The following RIMS2 variants were observed in gnomAD, a reference collection of about 807,000 sequenced individuals.
RIMS2 encodes the protein regulating synaptic membrane exocytosis 2.
Under a neutral mutation model 174.4 loss-of-function variants are expected in RIMS2, and 59 were observed. That is an observed-to-expected ratio of 0.34 (90% CI 0.27 to 0.42). The LOEUF (loss-of-function observed/expected upper bound fraction) is 0.42. RIMS2 is among the 10% of genes least tolerant of loss of function. The pLI is 1.00. For synonymous variants in RIMS2, 606 were observed against 572.5 expected (o/e 1.06, Z -0.84); for missense variants, 1,620 against 1,666.3 (o/e 0.97, Z 0.48).
chr8:104,127,639 A>G (rs2098442504), intron 19 of RIMS2, among the ~76,000 whole-genome samples: 1 of 152,166 alleles, frequency 6.6e-6, no homozygotes, highest in Admixed American at 6.6e-5. Context: ...TTATGATGAT[A>G]ATAATACTTC....
intron 14 of RIMS2, among the ~76,000 whole-genome samples, chr8:103,954,554 T>A (rs1296188555): frequency 6.6e-6 from 1 of 152,114 alleles, no homozygotes; most frequent in East Asian, 1.9e-4. Context: ...TTGAAACCAA[T>A]GAGAGCAAAG....
intron 1 of RIMS2, among the ~76,000 whole-genome samples, chr8:103,660,409 C>T (rs1304539662): frequency 1.3e-5 from 2 of 152,152 alleles, no homozygotes; most frequent in Non-Finnish European, 2.9e-5. Flanking sequence ...CTGTAGGTGC[C>T]ATCTCTACCT....
intron 3 of RIMS2, among the ~76,000 whole-genome samples, chr8:103,851,903 T>C (rs1340519518): frequency 6.6e-6 from 1 of 151,770 alleles, no homozygotes; most frequent in Admixed American, 6.6e-5. Context: ...GGTTCAGCCC[T>C]GTAAAGAACA....
intron 1 of RIMS2, among the ~76,000 whole-genome samples, chr8:103,663,517 G>T (rs2096629775): frequency 1.3e-5 from 2 of 152,104 alleles, no homozygotes; most frequent in South Asian, 4.2e-4. Flanking sequence ...AATCATGAGT[G>T]ATCTCCCATT....
At chr8:103,763,803 C>G (rs919887386) in intron 2 of RIMS2, among the ~76,000 whole-genome samples, 1 of 152,116 alleles carries the variant, frequency 6.6e-6, no homozygotes, top group African/African-American at 2.4e-5. Flanking sequence ...ATTTTGGGCT[C>G]CACAGAAACA....
Position 104,033,637 on chromosome 8 carries a change from A to AT in RIMS2, c.3334+19032dup, listed in dbSNP as rs566761611. On this transcript the variant is annotated intron_variant, in intron 19 of 23. Coordinates refer to ENST00000504942, the Ensembl canonical transcript of RIMS2. Reference sequence around the variant, plus strand: ...TTATAGTTTTTTTTTTGTTTTGGCGATTTTTTTTTTCCTGTATACTAGGAA... The same window carrying AT: ...TTATAGTTTTTTTTTTGTTTTGGCGATTTTTTTTTTTCCTGTATACTAGGAA... 8.2e-4 allele frequency among the ~76,000 whole-genome samples: 121 copies of AT among 147,410 alleles called. 1 individual carries two copies. The highest frequency in any genetic ancestry group is 1.6e-3 in the Non-Finnish European group (103 of 66,322).
intron 1 of RIMS2, among the ~76,000 whole-genome samples, chr8:103,519,860 G>C (rs1040526981): frequency 6.6e-6 from 1 of 150,446 alleles, no homozygotes; most frequent in African/African-American, 2.4e-5. Context: ...TAGAAACCCT[G>C]TATTCATCTG....
At chr8:103,712,231 C>T (rs867397145) in intron 2 of RIMS2, among the ~76,000 whole-genome samples, 39 of 151,164 alleles carry the variant, frequency 2.6e-4, no homozygotes, top group African/African-American at 8.0e-4. Flanking sequence ...GAAATAGTCC[C>T]GAACCCCTGG....
intron 17 of RIMS2, among the ~76,000 whole-genome samples, chr8:104,002,635 G>T (rs549944002): frequency 6.6e-6 from 1 of 152,186 alleles, no homozygotes; most frequent in South Asian, 2.1e-4. Flanking sequence ...TGTATTAATA[G>T]CTTCAGTTGG....
chr8:104,079,617 A>AT (rs2097369829), intron 19 of RIMS2, among the ~76,000 whole-genome samples: 2 of 130,892 alleles, frequency 1.5e-5, no homozygotes, highest in Non-Finnish European at 3.3e-5. Context: ...ATATATATAT[A>AT]TATATATATA....
At chr8:103,916,499 T>C in exon 8 of RIMS2, 1 of 1,611,478 alleles carries the variant, frequency 6.2e-7, no homozygotes, top group Non-Finnish European at 8.5e-7. Context: ...AATCCAAACC[T>C]GAACCACAAG....
chr8:103,927,908 T>G, intron 11 of RIMS2: 1 of 1,597,656 alleles, frequency 6.3e-7, no homozygotes, highest in Non-Finnish European at 8.5e-7. Flanking sequence ...CTTGTCTGCC[T>G]GATAGAAACT....
At chr8:104,101,986 C>T (rs2131131139) in intron 19 of RIMS2, among the ~76,000 whole-genome samples, 1 of 152,172 alleles carries the variant, frequency 6.6e-6, no homozygotes, top group East Asian at 1.9e-4. Flanking sequence ...TGACATTTTC[C>T]AGGATCCCAT....
chr8:103,908,723 T>A (rs535813970), intron 4 of RIMS2, among the ~76,000 whole-genome samples: 3 of 152,314 alleles, frequency 2.0e-5, no homozygotes, highest in African/African-American at 7.2e-5. Flanking sequence ...CTATTATCTT[T>A]ATTCAAGCCA....
intron 19 of RIMS2, among the ~76,000 whole-genome samples, chr8:104,067,910 A>G (rs2097132796): frequency 6.6e-6 from 1 of 152,138 alleles, no homozygotes; most frequent in Non-Finnish European, 1.5e-5. Context: ...AATTGATCTC[A>G]GTCATACTTT....
At chr8:104,010,739 AC>A (rs1332100223) in intron 17 of RIMS2, among the ~76,000 whole-genome samples, 4 of 152,152 alleles carry the variant, frequency 2.6e-5, no homozygotes, top group Non-Finnish European at 5.9e-5. Flanking sequence ...GGAATTATTT[AC>A]CTAAGAAAGA....
At chr8:104,127,975 CATCA>C (rs2098445457) in intron 19 of RIMS2, among the ~76,000 whole-genome samples, 1 of 152,164 alleles carries the variant, frequency 6.6e-6, no homozygotes, top group Non-Finnish European at 1.5e-5. Context: ...AGAATTGCTT[CATCA>C]GAGTATATCT....
chr8:104,019,588 AG>A lies in RIMS2; in HGVS notation c.3334+4975del, dbSNP rs564170697. On this transcript the variant is annotated intron_variant, in intron 19 of 23. Transcript: ENST00000504942. ...TATCAGTAACTTTTTAATGTCATAA[AG>A]GCGACAAATATCATCAGTCATCTGT... Among the ~76,000 whole-genome samples, 310 of 152,330 alleles carry A rather than the reference AG, an allele frequency of 2.0e-3. 2 individuals are homozygous for A. The highest frequency in any genetic ancestry group is 6.9e-3 in the African/African-American group (288 of 41,580).
At chr8:104,204,786 C>A (rs1449340523) in intron 19 of RIMS2, among the ~76,000 whole-genome samples, 2 of 152,136 alleles carry the variant, frequency 1.3e-5, no homozygotes, top group African/African-American at 2.4e-5. Flanking sequence ...AGGAAATTAA[C>A]CAGCTCCAGA....
Sources: allele counts gnomAD v4.1 joint callset (sites outside exome capture counted in the v4.1 genomes callset), GRCh38; gene constraint gnomAD v4.1.1; transcripts MANE v1.5; gene names NCBI Gene and HGNC (gene_info 2026-07-23, HGNC 2026-07-21).